Variants in MCF2L2 observed in about 807,000 individuals in gnomAD.
MCF2L2 encodes MCF.2 cell line derived transforming sequence-like 2.
MCF2L2 carries 102 observed loss-of-function variants against 150.2 expected under a neutral mutation model. The observed-to-expected ratio is 0.68, with a 90% CI of 0.58 to 0.80. The LOEUF (loss-of-function observed/expected upper bound fraction) is 0.80. Among genes scored for constraint, MCF2L2 ranks in the 30% least tolerant of loss-of-function variants. The pLI, the probability that MCF2L2 is intolerant of heterozygous loss-of-function variation, is 0.00. For missense variants in MCF2L2, 1,256 were observed against 1,372.8 expected (o/e 0.91, Z 1.34); for synonymous variants, 465 against 491.3 (o/e 0.95, Z 0.71).
intron 15 of MCF2L2, among the ~76,000 whole-genome samples, chr3:183,255,608 GT>G (rs1466645770): frequency 6.6e-6 from 1 of 152,216 alleles, no homozygotes; most frequent in African/African-American, 2.4e-5. Context: ...CAGAGCAGCT[GT>G]TCCTGAGAAA....
intron 4 of MCF2L2, among the ~76,000 whole-genome samples, chr3:183,339,547 T>C (rs1189386498): frequency 6.6e-6 from 1 of 152,226 alleles, no homozygotes; most frequent in Admixed American, 6.5e-5. Flanking sequence ...GCTAGAGTCG[T>C]AAAATAATTA....
intron 1 of MCF2L2, chr3:183,400,274 G>T: frequency 2.3e-5 from 7 of 301,396 alleles, no homozygotes; most frequent in Admixed American, 4.6e-5. Flanking sequence ...AAATTTCTTC[G>T]CTTTAAATCA....
intron 1 of MCF2L2, among the ~76,000 whole-genome samples, chr3:183,407,999 G>C (rs1368193047): frequency 2.0e-5 from 3 of 152,144 alleles, no homozygotes; most frequent in Non-Finnish European, 4.4e-5. Context: ...CTGAGGGCTA[G>C]GGTGGCCAGG....
chr3:183,311,637 C>G lies in MCF2L2; in HGVS notation c.878+11G>C. ...TCTCCTGAAAAGGCTGATTCCACTTCACTCACTCACCTTTCCATGGTAGTT... is the reference window on the plus strand; with the variant it reads ...TCTCCTGAAAAGGCTGATTCCACTTGACTCACTCACCTTTCCATGGTAGTT... On this transcript the variant is annotated intron_variant, in intron 8 of 29. Transcript: ENST00000328913. 1 of 1,613,634 alleles carries G rather than the reference C, an allele frequency of 6.2e-7. No homozygotes were observed.
chr3:183,298,454 A>G (rs1560007488), intron 11 of MCF2L2: 1 of 152,176 alleles, frequency 6.6e-6, no homozygotes, highest in African/African-American at 2.4e-5. Flanking sequence ...TTCCTAGATT[A>G]TTTACAGTGA....
chr3:183,256,878 G>A (rs184836278), intron 15 of MCF2L2, among the ~76,000 whole-genome samples: 1 of 152,036 alleles, frequency 6.6e-6, no homozygotes, highest in African/African-American at 2.4e-5. Flanking sequence ...GGAATAATGG[G>A]GAACATGAGA....
At chr3:183,374,391 T>C (rs1444191168) in intron 3 of MCF2L2, 3 of 152,412 alleles carry the variant, frequency 2.0e-5, no homozygotes, top group Admixed American at 2.0e-4. Context: ...CCAGGTCAGC[T>C]GGGCGCAGTG....
chr3:183,315,875 T>A (rs1729582959), intron 7 of MCF2L2, among the ~76,000 whole-genome samples: 1 of 152,202 alleles, frequency 6.6e-6, no homozygotes. Context: ...TCTAAATGTT[T>A]TAACCTTTTC....
intron 1 of MCF2L2, among the ~76,000 whole-genome samples, chr3:183,426,859 A>G (rs888508067): frequency 1.3e-5 from 2 of 152,242 alleles, no homozygotes; most frequent in African/African-American, 4.8e-5. Flanking sequence ...GCCTTCCCAT[A>G]TAAATCATCT....
intron 11 of MCF2L2, 80 bp downstream of exon 11, chr3:183,299,925 A>G (rs2293202): frequency 6.8e-7 from 1 of 1,466,498 alleles, no homozygotes; most frequent in African/African-American, 1.4e-5. Context: ...CAATCACACA[A>G]GGAAGGGAGG....
intron 15 of MCF2L2, chr3:183,254,705 C>T (rs936311583): frequency 6.6e-6 from 1 of 152,238 alleles, no homozygotes; most frequent in Non-Finnish European, 1.5e-5. Flanking sequence ...GGGCTGAATT[C>T]GAGTCGAAAG....
chr3:183,383,440 G>T (rs1713651127), intron 2 of MCF2L2, among the ~76,000 whole-genome samples: 1 of 152,124 alleles, frequency 6.6e-6, no homozygotes, highest in Admixed American at 6.5e-5. Flanking sequence ...CTCCGTGTTG[G>T]TCAGGCTGGT....
At position 183,422,549 on chromosome 3, in the gene MCF2L2, C is replaced by T. The variant is rs79321310; in HGVS notation, c.76+5353G>A. On this transcript the variant is annotated intron_variant, in intron 1 of 29. Transcript: ENST00000328913. ...GGGGGCTGGGTGGAAAGAAGCAGAC[C>T]CTGACCTCTCAGCTGTAGGCTCTCC... 6.3e-3 allele frequency among the ~76,000 whole-genome samples: 957 copies of T among 152,176 alleles called. 7 individuals carry two copies. Among genetic ancestry groups the T allele is most frequent in the Middle Eastern group, 0.017 (5 of 294 alleles).
chr3:183,205,355 C>A (rs766620220), intron 25 of MCF2L2, among the ~76,000 whole-genome samples: 1 of 151,714 alleles, frequency 6.6e-6, no homozygotes, highest in Non-Finnish European at 1.5e-5. Context: ...CCAGCCTGGG[C>A]GACAAGAGCA....
chr3:183,316,194 C>A lies in MCF2L2; in HGVS notation c.753+1874G>T, dbSNP rs1046159239. On this transcript the variant is annotated intron_variant, in intron 7 of 29. Coordinates refer to ENST00000328913, the MANE Select transcript of MCF2L2 (RefSeq NM_015078.4). ...AGCAACTCATACCTCCTAGGAATCA[C>A]GTGAACTTAGCCAGTAGGTTTGGAA... Among the ~76,000 whole-genome samples the A allele has an allele frequency of 2.6e-5, 4 of 152,142 alleles. No homozygotes were observed. The East Asian group carries it at 7.7e-4, about 29-fold the overall frequency.
rs548081681 is a variant in MCF2L2, at chr3:183,253,712, G to C, written c.1863-22695C>G. 8.5e-5 allele frequency: 13 copies of C among 152,468 alleles called. No homozygotes were observed. The East Asian group carries it at 1.5e-3, about 18-fold the overall frequency. 9.4% of individuals were successfully genotyped at this position (152,468 alleles called of 1,614,324 possible). On this transcript the variant is annotated intron_variant, in intron 15 of 29. Transcript: ENST00000328913. ...TCCTAATCCGCGGCGCTGCGGAACC[G>C]GTGTCCCGTGTGGGAGGAACCGCGG...
intron 27 of MCF2L2, among the ~76,000 whole-genome samples, chr3:183,190,006 G>T (rs1048057610): frequency 1.3e-5 from 2 of 152,196 alleles, no homozygotes; most frequent in African/African-American, 2.4e-5. Context: ...TCTGCTGTAG[G>T]AGATGAGAGG....
At chr3:183,245,071 T>C (rs1267761597) in intron 15 of MCF2L2, among the ~76,000 whole-genome samples, 2 of 152,168 alleles carry the variant, frequency 1.3e-5, no homozygotes, top group Non-Finnish European at 2.9e-5. Context: ...TAAACTTGAC[T>C]TCCCCTCTTG....
At chr3:183,192,660 A>G (rs541123205) in intron 27 of MCF2L2, 1 of 221,268 alleles carries the variant, frequency 4.5e-6, no homozygotes, top group Admixed American at 5.3e-5. Flanking sequence ...ATCATTTAAA[A>G]CTCATCGATT....
Sources: gnomAD v4.1 joint callset for allele counts (sites outside exome capture counted in the v4.1 genomes callset) on GRCh38, gnomAD v4.1.1 for gene constraint, MANE v1.5 for transcripts, NCBI Gene and HGNC (gene_info 2026-07-23, HGNC 2026-07-21) for gene names.